Variants in APOL6 observed in about 807,000 individuals in gnomAD.
APOL6 encodes apolipoprotein L6, also known as apolipoprotein L, 6.
A neutral mutation model predicts 2.4 loss-of-function variants in APOL6; 1 was observed. The ratio of observed to expected loss-of-function variants is 0.41; its 90% CI spans 0.15 to 1.94. The LOEUF is 1.94. Ranked by LOEUF, APOL6 falls within the 30% of genes most tolerant of loss-of-function variation. The pLI, the probability that APOL6 is intolerant of heterozygous loss-of-function variation, is 0.30. For missense variants in APOL6, 438 were observed against 429.2 expected (o/e 1.02, Z -0.18); for synonymous variants, 189 against 169.3 (o/e 1.12, Z -0.90).
At chr22:35,652,195 T>G (rs138481572) in intron 1 of APOL6, among the ~76,000 whole-genome samples, 11,936 of 152,222 alleles carry the variant, frequency 0.078, 697 homozygotes, top group East Asian at 0.19. Context: ...ATAAATGTCT[T>G]GTTTTGAGAA....
At chr22:35,657,174 T>A (rs1924867148) in intron 2 of APOL6, among the ~76,000 whole-genome samples, 1 of 152,236 alleles carries the variant, frequency 6.6e-6, no homozygotes, top group South Asian at 2.1e-4. Context: ...CATATCTATT[T>A]GCTGTTTCTT....
chr22:35,649,558 A>G (rs1191549317), intron 1 of APOL6, among the ~76,000 whole-genome samples: 1 of 151,876 alleles, frequency 6.6e-6, no homozygotes. Context: ...GCAGGTAAGG[A>G]AAGACTGTCA....
Position 35,658,874 on chromosome 22 carries a change from G to A in APOL6, c.310G>A (p.Gly104Arg). Residue 104 changes from glycine (G) to arginine (R), a missense_variant, in exon 3 of 3, where the codon GGA (glycine) becomes AGA (arginine). By Grantham distance (125) the Gly-to-Arg change is moderately radical. Transcript: ENST00000409652. ...LGLALAPATG[G>R]GSLLLSTAGQ... ...TTTAGCCCTTGCCCCAGCAACAGGA[G>A]GAGGAAGCCTGCTGCTCTCCACCGC... The A allele has an allele frequency of 1.9e-6, 3 of 1,614,128 alleles. No homozygotes were observed. The highest frequency in any genetic ancestry group is 2.5e-6 in the Non-Finnish European group (3 of 1,180,030).
Position 35,659,824 on chromosome 22 carries a change from G to GGT in APOL6, c.*229_*230insTG. The stretch of plus-strand genomic sequence containing the variant: ...TCTGTTGCCCAGGCTGGAGTGCAGT[G>GGT]GCGTAATCTCGGCTCACTGCAACCT... On this transcript the variant is annotated 3_prime_UTR_variant, in exon 3 of 3. Transcript: ENST00000409652. 1 of 676,126 alleles carries GGT rather than the reference G, an allele frequency of 1.5e-6. No individual in the cohort carries two copies. Among genetic ancestry groups the GGT allele is most frequent in the Non-Finnish European group, 2.3e-6 (1 of 428,162 alleles). 41.9% of individuals were successfully genotyped at this position (676,126 alleles called of 1,614,324 possible). A position where few individuals can be genotyped will look rare whatever the true frequency, so the allele number is the denominator to read the frequency against.
chr22:35,659,477 A>G lies in APOL6; in HGVS notation c.913A>G (p.Lys305Glu). 6.2e-7 allele frequency: 1 copy of G among 1,614,138 alleles called. No homozygotes were observed. Among genetic ancestry groups the G allele is most frequent in the South Asian group, 1.1e-5 (1 of 91,086 alleles). The change falls in exon 3 of 3, where the codon AAG (lysine) becomes GAG (glutamate). Residue 305 changes from lysine to glutamate, a missense_variant. Physicochemically the swap from Lys to Glu is moderately conservative, Grantham distance 56. Coordinates refer to ENST00000409652, the MANE Select transcript of APOL6 (RefSeq NM_030641.4). ...GAGGTCAAGGGCCAGAGGGGTGGGG[A>G]AGGATTTAACTGGGACCTGCGAAAC... Reference protein sequence around the residue: ...KVRSRARGVGKDLTGTCETEA... With the variant: ...KVRSRARGVGEDLTGTCETEA...
Position 35,658,652 on chromosome 22 carries a change from C to A in APOL6, c.88C>A (p.Leu30Ile), listed in dbSNP as rs1247573067. 1 of 1,613,752 alleles carries A rather than the reference C, an allele frequency of 6.2e-7. No homozygotes were observed. The highest frequency in any genetic ancestry group is 8.5e-7 in the Non-Finnish European group (1 of 1,179,902). The change falls in exon 3 of 3, where the codon CTA (leucine) becomes ATA (isoleucine). Residue 30 changes from leucine to isoleucine, a missense_variant. Transcript: ENST00000409652. The part of the protein sequence containing the change: ...DDAPLCEDVE[L>I]QDGDLSPEEK... ...CGCTCCTCTGTGTGAAGACGTGGAG[C>A]TACAAGACGGAGATCTGTCCCCCGA... is the stretch of plus-strand genomic sequence containing the variant.
In APOL6 at chr22:35,666,721, T is replaced by C. The variant is rs1024503953; in HGVS notation, c.*7125T>C. The C allele has an allele frequency of 6.6e-6, 1 of 152,176 alleles. No individual in the cohort carries two copies. The highest frequency in any genetic ancestry group is 1.5e-5 in the Non-Finnish European group (1 of 68,040). 9.4% of individuals were successfully genotyped at this position (152,176 alleles called of 1,614,324 possible). ...GACTCATGGAGAGCTAAAATGTTCA[T>C]GAGTATCAAGCAGAACAGGAATTAA... On this transcript the variant is annotated 3_prime_UTR_variant, in exon 3 of 3. Transcript: ENST00000409652.
At chr22:35,653,703 T>A (rs1487551496) in intron 1 of APOL6, among the ~76,000 whole-genome samples, 3 of 151,990 alleles carry the variant, frequency 2.0e-5, no homozygotes, top group African/African-American at 7.2e-5. Context: ...ATTTACCTTC[T>A]TCTGGTCACC....
chr22:35,661,499 G>A lies in APOL6; in HGVS notation c.*1903G>A, dbSNP rs1925027634. ...ATTGTACTTATACAAAACTTAGATG[G>A]CATAGCCTACTGCATACCTAGGCTA... On this transcript the variant is annotated 3_prime_UTR_variant, in exon 3 of 3. Coordinates refer to ENST00000409652, the MANE Select transcript of APOL6 (RefSeq NM_030641.4). The A allele has an allele frequency of 6.6e-6, 1 of 152,114 alleles. No individual in the cohort carries two copies. The highest frequency in any genetic ancestry group is 6.6e-5 in the Admixed American group (1 of 15,252). 9.4% of individuals were successfully genotyped at this position (152,114 alleles called of 1,614,324 possible). A position where few individuals can be genotyped will look rare whatever the true frequency, so the allele number is the denominator to read the frequency against.
intron 1 of APOL6, among the ~76,000 whole-genome samples, chr22:35,654,538 C>CTATA (rs1323398308): frequency 7.1e-6 from 1 of 140,058 alleles, no homozygotes; most frequent in East Asian, 1.9e-4. Flanking sequence ...CTCTCTCTCT[C>CTATA]TCTATATATA....
rs1191377801 is a variant in APOL6, at chr22:35,659,194, C to T, written c.630C>T (p.Val210=). The T allele has an allele frequency of 1.2e-6, 2 of 1,614,236 alleles. No individual in the cohort carries two copies. The highest frequency in any genetic ancestry group is 1.7e-6 in the Non-Finnish European group (2 of 1,180,044). ...ATKRLLTTGQ[V]SSRSRVQVQK... ...AGCGTCTTCTGACCACTGGCCAAGT[C>T]TCCTCCCGGAGCCGCGTGCAGGTGC... The change falls in exon 3 of 3, where the codon GTC becomes GTT. Residue 210 remains valine (V), a synonymous_variant. Transcript: ENST00000409652.
chr22:35,653,863 T>C (rs1480390313), intron 1 of APOL6, among the ~76,000 whole-genome samples: 3 of 152,202 alleles, frequency 2.0e-5, no homozygotes, highest in Non-Finnish European at 4.4e-5. Flanking sequence ...CCCATAAGAC[T>C]GCCCCTACTT....
intron 1 of APOL6, among the ~76,000 whole-genome samples, chr22:35,652,648 C>T (rs370059605): frequency 1.3e-5 from 2 of 152,166 alleles, no homozygotes; most frequent in Admixed American, 6.5e-5. Flanking sequence ...ATTTATTAAA[C>T]AGGGAATCAT....
In APOL6 at chr22:35,667,176, A is replaced by G. The variant is rs1925208946; in HGVS notation, c.*7580A>G. On this transcript the variant is annotated 3_prime_UTR_variant, in exon 3 of 3. Coordinates refer to ENST00000409652, the MANE Select transcript of APOL6 (RefSeq NM_030641.4). ...CAAGATTTCTGACCTGTAGTAAGTA[A>G]AGAATGTCACTTTCTGACAGGCACA... The G allele has an allele frequency of 6.6e-6, 1 of 152,184 alleles. No homozygotes were observed. Among genetic ancestry groups the G allele is most frequent in the Non-Finnish European group, 1.5e-5 (1 of 68,036 alleles). The allele number at this position is 152,184 out of a possible 1,614,324, so 9.4% of individuals were successfully genotyped here. A position where few individuals can be genotyped will look rare whatever the true frequency, so the allele number is the denominator to read the frequency against.
In APOL6 at chr22:35,659,260, T is replaced by C; in HGVS notation, c.696T>C (p.Asn232=). 6.2e-7 allele frequency: 1 copy of C among 1,614,186 alleles called. No individual in the cohort carries two copies. Among genetic ancestry groups the C allele is most frequent in the South Asian group, 1.1e-5 (1 of 91,082 alleles). ...FAGTTLAMTK[N]ARVLGGVMSA... is the part of the protein sequence containing the mutation. ...GAACAACACTGGCGATGACCAAAAA[T>C]GCTCGCGTGCTGGGAGGTGTGATGT... is the stretch of plus-strand genomic sequence containing the variant. The change falls in exon 3 of 3, where the codon AAT becomes AAC. Residue 232 remains asparagine (N), a synonymous_variant. Coordinates refer to ENST00000409652, the MANE Select transcript of APOL6 (RefSeq NM_030641.4).
Position 35,663,178 on chromosome 22 carries a change from A to C in APOL6, c.*3582A>C, listed in dbSNP as rs1473019215. 2.0e-5 allele frequency: 3 copies of C among 152,172 alleles called. No homozygotes were observed. The allele number at this position is 152,172 out of a possible 1,614,324, so 9.4% of individuals were successfully genotyped here. ...CTAAATTACGGGGTCAAGGACTCTG[A>C]AGTGGTAGGAAAACAGCCAGCTTAA... is the stretch of plus-strand genomic sequence containing the variant. On this transcript the variant is annotated 3_prime_UTR_variant, in exon 3 of 3. Transcript: ENST00000409652.
chr22:35,650,998 T>C (rs1924675405), intron 1 of APOL6, among the ~76,000 whole-genome samples: 1 of 151,944 alleles, frequency 6.6e-6, no homozygotes, highest in Non-Finnish European at 1.5e-5. Flanking sequence ...AGGGAGGATG[T>C]TTTTTTCTAA....
Position 35,664,519 on chromosome 22 carries a change from T to C in APOL6, c.*4923T>C, listed in dbSNP as rs1925117790. The C allele has an allele frequency of 6.6e-6, 1 of 152,238 alleles. No homozygotes were observed. Among genetic ancestry groups the C allele is most frequent in the East Asian group, 1.9e-4 (1 of 5,204 alleles). 9.4% of individuals were successfully genotyped at this position (152,238 alleles called of 1,614,324 possible). On this transcript the variant is annotated 3_prime_UTR_variant, in exon 3 of 3. Transcript: ENST00000409652. ...GACAGCTTGGAAGTTAAGAGCAAGG[T>C]GGAGTCAGTTAGGTCAAATCGTTTT...
rs1038113316 is a variant in APOL6, at chr22:35,662,409, C to G, written c.*2813C>G. The G allele has an allele frequency of 6.6e-6, 1 of 152,116 alleles. No individual in the cohort carries two copies. The highest frequency in any genetic ancestry group is 2.4e-5 in the African/African-American group (1 of 41,430). 9.4% of individuals were successfully genotyped at this position (152,116 alleles called of 1,614,324 possible). On this transcript the variant is annotated 3_prime_UTR_variant, in exon 3 of 3. Coordinates refer to ENST00000409652, the MANE Select transcript of APOL6 (RefSeq NM_030641.4). ...AACTTCTTAGGGCAAACCCACCTCC[C>G]ACTCTATTCAAAGTTATCTCTCTGC...
Sources: gnomAD v4.1 joint callset for allele counts (sites outside exome capture counted in the v4.1 genomes callset) on GRCh38, gnomAD v4.1.1 for gene constraint, MANE v1.5 for transcripts, NCBI Gene and HGNC (gene_info 2026-07-23, HGNC 2026-07-21) for gene names.